LRRTM4: variants seen among roughly 807,000 people sequenced by gnomAD.
LRRTM4 encodes the protein leucine rich repeat transmembrane neuronal 4.
LRRTM4 carries 25 observed loss-of-function variants against 47.6 expected under a neutral mutation model. The observed-to-expected ratio is 0.53, with a 90% CI of 0.38 to 0.73. The LOEUF (loss-of-function observed/expected upper bound fraction) is 0.73. LRRTM4 is among the 30% of genes least tolerant of loss of function. The pLI is 0.00. For missense variants in LRRTM4, 638 were observed against 713.4 expected, an observed-to-expected ratio of 0.89 and a Z score of 1.20; for synonymous variants, 311 against 269.5, an observed-to-expected ratio of 1.15 and a Z score of -1.51.
chr2:77,062,861 A>G (rs1679832186), intron 3 of LRRTM4, among the ~76,000 whole-genome samples: 1 of 152,076 alleles, frequency 6.6e-6, no homozygotes, highest in African/African-American at 2.4e-5. Context: ...GTAGGCCTTC[A>G]TTGTTGTCAG....
intron 3 of LRRTM4, among the ~76,000 whole-genome samples, chr2:76,832,924 T>C (rs1024234625): frequency 2.0e-5 from 3 of 152,086 alleles, no homozygotes; most frequent in African/African-American, 7.2e-5. Flanking sequence ...AGAGGAATTA[T>C]GCTACCAAAT....
At position 76,873,506 on chromosome 2, in the gene LRRTM4, G is replaced by GTATATATATA. The variant is rs58469429; in HGVS notation, c.1552-124600_1552-124591dup. ...TATGTGTGTGTGTATATATATGTGT[G>GTATATATATA]TATATATATATATATATATATATAT... On this transcript the variant is annotated intron_variant, in intron 3 of 3. Transcript: ENST00000409884. Among the ~76,000 whole-genome samples, 459 of 112,288 alleles carry GTATATATATA rather than the reference G, an allele frequency of 4.1e-3. 3 individuals are homozygous for GTATATATATA. The highest frequency in any genetic ancestry group is 6.7e-3 in the South Asian group (24 of 3,592). 73.7% of individuals were successfully genotyped at this position (112,288 alleles called of 152,430 possible).
chr2:76,775,663 G>A, intron 3 of LRRTM4, among the ~76,000 whole-genome samples: 1 of 152,162 alleles, frequency 6.6e-6, no homozygotes, highest in Non-Finnish European at 1.5e-5. Flanking sequence ...GTGCAGTCCT[G>A]GTCATAAATC....
intron 3 of LRRTM4, among the ~76,000 whole-genome samples, chr2:77,191,756 C>A (rs1236596389): frequency 6.6e-6 from 1 of 151,764 alleles, no homozygotes; most frequent in Admixed American, 6.6e-5. Flanking sequence ...AATTTTGAGA[C>A]AAGATTTTTT....
intron 3 of LRRTM4, among the ~76,000 whole-genome samples, chr2:77,042,915 A>G (rs1030846502): frequency 6.6e-6 from 1 of 151,578 alleles, no homozygotes; most frequent in Admixed American, 6.6e-5. Context: ...TGTGCCACAC[A>G]AAGGGATTAA....
chr2:76,857,822 G>A (rs995873099), intron 3 of LRRTM4, among the ~76,000 whole-genome samples: 4 of 152,036 alleles, frequency 2.6e-5, no homozygotes, highest in Admixed American at 2.6e-4. Flanking sequence ...CAGGCAAATA[G>A]GCATTTACTT....
At chr2:76,796,680 C>G (rs1230257408) in intron 3 of LRRTM4, among the ~76,000 whole-genome samples, 2 of 123,088 alleles carry the variant, frequency 1.6e-5, no homozygotes, top group Non-Finnish European at 3.2e-5. Flanking sequence ...CATCAAAGAC[C>G]AAAAGTAGAT....
chr2:77,459,975 A>G (rs1922809), intron 3 of LRRTM4, among the ~76,000 whole-genome samples: 57,297 of 151,866 alleles, frequency 0.38, 11,179 homozygotes, highest in East Asian at 0.51. Context: ...TCAAGTCCCA[A>G]TCTATTCTAA....
chr2:76,851,759 T>G (rs1300179838), intron 3 of LRRTM4, among the ~76,000 whole-genome samples: 1 of 93,106 alleles, frequency 1.1e-5, no homozygotes, highest in East Asian at 2.8e-4. Flanking sequence ...TTATTCGTTT[T>G]TTTTTTTTTT....
chr2:77,178,454 C>T (rs544718667), intron 3 of LRRTM4, among the ~76,000 whole-genome samples: 63 of 152,038 alleles, frequency 4.1e-4, no homozygotes, highest in Non-Finnish European at 6.5e-4. Flanking sequence ...GGCGTGGTGG[C>T]GCGTGCCTGT....
At chr2:77,304,381 T>C (rs1347400481) in intron 3 of LRRTM4, among the ~76,000 whole-genome samples, 1 of 152,204 alleles carries the variant, frequency 6.6e-6, no homozygotes, top group Non-Finnish European at 1.5e-5. Context: ...GCAAATATTT[T>C]ATCTTATAAA....
chr2:77,128,395 C>CAGATAGATAGAT (rs59399563), intron 3 of LRRTM4, among the ~76,000 whole-genome samples: 17,604 of 150,446 alleles, frequency 0.12, 1,067 homozygotes, highest in Middle Eastern at 0.17. Context: ...AATTCTGTAA[C>CAGATAGATAGAT]AGATAGATAG....
Position 77,207,349 on chromosome 2 carries a change from GTATATA to G in LRRTM4, c.1551+310963_1551+310968del, listed in dbSNP as rs1553409290. Among the ~76,000 whole-genome samples the G allele has an allele frequency of 9.9e-5, 12 of 120,836 alleles. No homozygotes were observed. The East Asian group carries it at 1.1e-3, about 11-fold the overall frequency. 79.3% of individuals were successfully genotyped at this position (120,836 alleles called of 152,430 possible). ...ATGTTTTTCCTAATTTCATATATGT[GTATATA>G]TATATATATATATATATACACACAC... is the stretch of plus-strand genomic sequence containing the variant. On this transcript the variant is annotated intron_variant, in intron 3 of 3. Transcript: ENST00000409884.
At chr2:76,990,140 A>C (rs58936967) in intron 3 of LRRTM4, among the ~76,000 whole-genome samples, 51,506 of 151,454 alleles carry the variant, frequency 0.34, 9,494 homozygotes, top group East Asian at 0.56. Flanking sequence ...TTTTGCAGGG[A>C]AATTGTGAAA....
intron 3 of LRRTM4, among the ~76,000 whole-genome samples, chr2:76,804,070 A>C (rs1455014758): frequency 6.6e-6 from 1 of 152,178 alleles, no homozygotes; most frequent in Admixed American, 6.5e-5. Context: ...TTTCCTACAA[A>C]GTTACTCCGA....
At chr2:76,776,203 T>A in intron 3 of LRRTM4, among the ~76,000 whole-genome samples, 1 of 152,240 alleles carries the variant, frequency 6.6e-6, no homozygotes, top group Non-Finnish European at 1.5e-5. Flanking sequence ...TTGTGAATAA[T>A]GCCGCAATAA....
intron 3 of LRRTM4, among the ~76,000 whole-genome samples, chr2:77,441,684 C>T (rs1350354772): frequency 6.6e-6 from 1 of 152,080 alleles, no homozygotes; most frequent in Admixed American, 6.5e-5. Context: ...TATAGAATCA[C>T]AAAATATCTT....
intron 3 of LRRTM4, among the ~76,000 whole-genome samples, chr2:77,134,590 A>T (rs1029135383): frequency 3.2e-4 from 49 of 152,206 alleles, no homozygotes; most frequent in African/African-American, 1.2e-3. Context: ...CTGATTTCTT[A>T]TAACTAAAAA....
chr2:77,120,933 C>A (rs1233632488), intron 3 of LRRTM4, among the ~76,000 whole-genome samples: 1 of 151,648 alleles, frequency 6.6e-6, no homozygotes, highest in African/African-American at 2.4e-5. Flanking sequence ...TCATTCAATG[C>A]AGAACCCTGA....
Sources: allele counts gnomAD v4.1 joint callset (sites outside exome capture counted in the v4.1 genomes callset), GRCh38; gene constraint gnomAD v4.1.1; transcripts MANE v1.5; gene names NCBI Gene and HGNC (gene_info 2026-07-23, HGNC 2026-07-21).